EBF3: variants seen among roughly 807,000 people sequenced by gnomAD.
EBF3 encodes EBF transcription factor 3, also known as transcription factor COE3.
Under a neutral mutation model 77.1 loss-of-function variants are expected in EBF3, and 18 were observed. The observed-to-expected ratio is 0.23, with a 90% CI of 0.16 to 0.35. The LOEUF is 0.35. EBF3 is among the 10% of genes least tolerant of loss of function. EBF3 has a pLI of 1.00. For synonymous variants in EBF3, 350 were observed against 343.5 expected (o/e 1.02, Z -0.21); for missense variants, 558 against 860.0 (o/e 0.65, Z 4.39).
chr10:129,873,931 G>A (rs1286010482), intron 7 of EBF3, among the ~76,000 whole-genome samples: 1 of 152,178 alleles, frequency 6.6e-6, no homozygotes, highest in Non-Finnish European at 1.5e-5. Context: ...TCATTTTAAA[G>A]CCGCTGTTTT....
intron 6 of EBF3, among the ~76,000 whole-genome samples, chr10:129,921,585 G>A (rs1207337947): frequency 6.6e-6 from 1 of 152,218 alleles, no homozygotes; most frequent in Non-Finnish European, 1.5e-5. Flanking sequence ...AAAGGTCTCT[G>A]TGTCCATGCC....
rs199892211 is a variant in EBF3, at chr10:129,867,116, G to A, written c.1039+25C>T. On this transcript the variant is annotated intron_variant, in intron 10 of 16. Coordinates refer to ENST00000440978, the MANE Select transcript of EBF3 (RefSeq NM_001375380.1). ...GGGAGGAGGCCTCTACCGCTTTCCC[G>A]CAGAAGCTGGAGCTGTGAACTCACC... 1,825 of 1,605,502 alleles carry A rather than the reference G, an allele frequency of 1.1e-3. 2 individuals are homozygous for A. The highest frequency in any genetic ancestry group is 1.4e-3 in the Non-Finnish European group (1,649 of 1,175,524).
At position 129,943,330 on chromosome 10, in the gene EBF3, G is replaced by T. The variant is rs1473987075; in HGVS notation, c.554+13928C>A. ...ACAGTTAAAGAAGCAAATTGGATTT[G>T]CCCTATCACAAAAAAAATTAATTCC... On this transcript the variant is annotated intron_variant, in intron 6 of 16. Coordinates refer to ENST00000440978, the MANE Select transcript of EBF3 (RefSeq NM_001375380.1). The surrounding 1 kb of genome is among the most constrained non-coding windows in gnomAD (Gnocchi z 8.8). 3.9e-5 allele frequency among the ~76,000 whole-genome samples: 6 copies of T among 152,122 alleles called. No homozygotes were observed. Among genetic ancestry groups the T allele is most frequent in the Admixed American group, 3.9e-4 (6 of 15,282 alleles).
chr10:129,934,169 C>A (rs964053602), intron 6 of EBF3, among the ~76,000 whole-genome samples: 2 of 152,008 alleles, frequency 1.3e-5, no homozygotes, highest in Non-Finnish European at 2.9e-5. Flanking sequence ...GTATTAATAT[C>A]CCCCCTCTCC....
At position 129,864,263 on chromosome 10, in the gene EBF3, G is replaced by A. The variant is rs990729245; in HGVS notation, c.1039+2878C>T. Reference sequence around the variant, plus strand: ...ACCAGCCCCAGAGCAGCAAAAGCAGGGCCCGGCCATGCTGGGAATTGGGGG... The same window carrying A: ...ACCAGCCCCAGAGCAGCAAAAGCAGAGCCCGGCCATGCTGGGAATTGGGGG... On this transcript the variant is annotated intron_variant, in intron 10 of 16. Coordinates refer to ENST00000440978, the MANE Select transcript of EBF3 (RefSeq NM_001375380.1). This position sits in a 1 kb window ranked among gnomAD's most constrained non-coding sequence, Gnocchi z 4.4. Among the ~76,000 whole-genome samples the A allele has an allele frequency of 3.9e-5, 6 of 152,138 alleles. No homozygotes were observed. Among genetic ancestry groups the A allele is most frequent in the Admixed American group, 3.3e-4 (5 of 15,276 alleles).
At chr10:129,913,535 G>A (rs1488099217) in intron 6 of EBF3, among the ~76,000 whole-genome samples, 3 of 152,280 alleles carry the variant, frequency 2.0e-5, no homozygotes, top group Admixed American at 6.5e-5. Context: ...GGGAACGGCC[G>A]GCAGAGCCGC....
In EBF3 at chr10:129,928,122, G is replaced by A. The variant is rs139056261; in HGVS notation, c.554+29136C>T. Among the ~76,000 whole-genome samples the A allele has an allele frequency of 2.8e-3, 430 of 152,324 alleles. 2 individuals are homozygous for A. Among genetic ancestry groups the A allele is most frequent in the African/African-American group, 9.8e-3 (408 of 41,576 alleles). ...AAGACGTCCAGCCGAGTAAAGAACA[G>A]TTCGGTCAGCCTCATGCGAAAACGA... On this transcript the variant is annotated intron_variant, in intron 6 of 16. Coordinates refer to ENST00000440978, the MANE Select transcript of EBF3 (RefSeq NM_001375380.1).
Position 129,837,972 on chromosome 10 carries a change from A to G in EBF3, c.1873-12T>C. On this transcript the variant is annotated splice_polypyrimidine_tract_variant and intron_variant, in intron 16 of 16. Transcript: ENST00000440978. ...CAGCCCAGACATAGCTGCAAGACAG[A>G]AGGACAGAGCAGTTACTGCAGGCTC... is the stretch of plus-strand genomic sequence containing the variant. The G allele has an allele frequency of 3.1e-6, 5 of 1,614,032 alleles. No individual in the cohort carries two copies. The highest frequency in any genetic ancestry group is 1.7e-5 in the Admixed American group (1 of 60,026).
intron 6 of EBF3, among the ~76,000 whole-genome samples, chr10:129,883,505 A>T (rs1487723880): frequency 2.0e-5 from 3 of 152,200 alleles, no homozygotes; most frequent in Non-Finnish European, 4.4e-5. Context: ...AATAAGCAGC[A>T]AACTCATACA....
At chr10:129,921,280 T>C (rs1014069502) in intron 6 of EBF3, among the ~76,000 whole-genome samples, 2 of 152,112 alleles carry the variant, frequency 1.3e-5, no homozygotes, top group African/African-American at 4.8e-5. Flanking sequence ...AGTGGGGCCA[T>C]CCTGGGCACC....
At chr10:129,882,093 T>C (rs1433705485) in intron 6 of EBF3, among the ~76,000 whole-genome samples, 7 of 152,260 alleles carry the variant, frequency 4.6e-5, no homozygotes, top group Non-Finnish European at 8.8e-5. Flanking sequence ...CAGTGACTAA[T>C]TTCAAAGTCT....
chr10:129,884,847 C>T (rs1038636301), intron 6 of EBF3, among the ~76,000 whole-genome samples: 3 of 152,214 alleles, frequency 2.0e-5, no homozygotes, highest in African/African-American at 7.2e-5. Context: ...GATTCTGGCT[C>T]TACTGTAGCC....
chr10:129,860,444 A>T (rs1025016492), intron 10 of EBF3, among the ~76,000 whole-genome samples: 1 of 152,158 alleles, frequency 6.6e-6, no homozygotes, highest in Non-Finnish European at 1.5e-5. Context: ...TGTCTGCTAC[A>T]TTTTGTCAGG....
rs1221678400 is a variant in EBF3, at chr10:129,842,831, C to T, written c.1194+306G>A. Among the ~76,000 whole-genome samples, 1 of 151,744 alleles carries T rather than the reference C, an allele frequency of 6.6e-6. No homozygotes were observed. The highest frequency in any genetic ancestry group is 6.6e-5 in the Admixed American group (1 of 15,246). ...TCCTGCATGCTGTGGGGCGCCCATC[C>T]AGCCCTCCCTGGTTCCCAGCGGCAC... is the stretch of plus-strand genomic sequence containing the variant. On this transcript the variant is annotated intron_variant, in intron 12 of 16. Transcript: ENST00000440978. The surrounding 1 kb of genome is among the most constrained non-coding windows in gnomAD (Gnocchi z 4.4).
In EBF3 at chr10:129,963,343, G is replaced by A. The variant is rs940302475; in HGVS notation, c.291+24C>T. ...CCTCCCGCTTCTAGAAAGAGAGAGGGTGTGATCGTGTGTTTGCACTTACTT... is the reference window on the plus strand; with the variant it reads ...CCTCCCGCTTCTAGAAAGAGAGAGGATGTGATCGTGTGTTTGCACTTACTT... On this transcript the variant is annotated intron_variant, in intron 2 of 16. Coordinates refer to ENST00000440978, the MANE Select transcript of EBF3 (RefSeq NM_001375380.1). The surrounding 1 kb of genome is among the most constrained non-coding windows in gnomAD (Gnocchi z 7.1). 4.5e-6 allele frequency: 7 copies of A among 1,571,438 alleles called. No individual in the cohort carries two copies. The highest frequency in any genetic ancestry group is 1.2e-5 in the South Asian group (1 of 86,922).
rs1859750050 is a variant in EBF3 at position 129,964,101 on chromosome 10, C to A, written c.-333G>T. On this transcript the variant is annotated 5_prime_UTR_variant, in exon 1 of 17. Transcript: ENST00000440978. The surrounding 1 kb of genome is among the most constrained non-coding windows in gnomAD (Gnocchi z 4.5). ...CCTAGCCAGGCGGCGTCCGCGGCTG[C>A]AGGACACTGCGGGATCGCCCGCTTC... 1.0e-6 allele frequency: 1 copy of A among 985,032 alleles called. No individual in the cohort carries two copies. Among genetic ancestry groups the A allele is most frequent in the African/African-American group, 1.7e-5 (1 of 57,210 alleles). 61.0% of individuals were successfully genotyped at this position (985,032 alleles called of 1,614,324 possible).
At chr10:129,890,980 C>T (rs1224354930) in intron 6 of EBF3, among the ~76,000 whole-genome samples, 1 of 152,184 alleles carries the variant, frequency 6.6e-6, no homozygotes, top group African/African-American at 2.4e-5. Context: ...ACTTACCATA[C>T]AAATGGAAAA....
chr10:129,927,265 C>T (rs750278192), intron 6 of EBF3, among the ~76,000 whole-genome samples: 19 of 152,172 alleles, frequency 1.2e-4, no homozygotes, highest in Non-Finnish European at 1.6e-4. Context: ...GCTTGGTCCC[C>T]GTGGTGGCCA....
chr10:129,909,091 A>G (rs1855340463), intron 6 of EBF3, among the ~76,000 whole-genome samples: 3 of 152,232 alleles, frequency 2.0e-5, no homozygotes, highest in Admixed American at 2.0e-4. Flanking sequence ...TTGGAACTTG[A>G]AAGTGAATGG....
Sources: allele counts gnomAD v4.1 joint callset (sites outside exome capture counted in the v4.1 genomes callset), GRCh38; gene constraint gnomAD v4.1.1; non-coding constraint Gnocchi (gnomAD v3.1); transcripts MANE v1.5; gene names NCBI Gene and HGNC (gene_info 2026-07-23, HGNC 2026-07-21).